PCDHGA3: variants seen among roughly 807,000 people sequenced by gnomAD.
PCDHGA3 encodes the protein protocadherin gamma-A3.
A neutral mutation model predicts 58.5 loss-of-function variants in PCDHGA3; 40 were observed. That is an observed-to-expected ratio of 0.68 (90% CI 0.53 to 0.89). The LOEUF is 0.89. PCDHGA3 is among the 40% of genes least tolerant of loss of function. PCDHGA3 has a pLI of 0.00. For missense variants in PCDHGA3, 1,223 were observed against 1,195.9 expected, an observed-to-expected ratio of 1.02 and a Z score of -0.33; for synonymous variants, 530 against 525.7, an observed-to-expected ratio of 1.01 and a Z score of -0.11.
intron 2 of PCDHGA3, among the ~76,000 whole-genome samples, chr5:141,495,296 T>TCCTCCAGAG (rs998633800): frequency 1.3e-5 from 2 of 152,054 alleles, no homozygotes; most frequent in Non-Finnish European, 2.9e-5. Flanking sequence ...ACTCAGCGCC[T>TCCTCCAGAG]CCTCCAGAGC....
At chr5:141,420,190 A>T in intron 1 of PCDHGA3, 3 of 1,613,922 alleles carry the variant, frequency 1.9e-6, no homozygotes, top group Non-Finnish European at 2.5e-6. Flanking sequence ...GTCCAGCCAC[A>T]CAAGATAACC....
At chr5:141,355,052 TG>T in intron 1 of PCDHGA3, 1 of 1,201,334 alleles carries the variant, frequency 8.3e-7, no homozygotes, top group Non-Finnish European at 1.1e-6. Context: ...CACAAAGCAC[TG>T]GCTCTGGAGC....
chr5:141,419,138 A>G (rs1590146439), intron 1 of PCDHGA3: 1 of 1,613,920 alleles, frequency 6.2e-7, no homozygotes, highest in Non-Finnish European at 8.5e-7. Flanking sequence ...AGCCACAGAC[A>G]GGGGCAAGCC....
At chr5:141,394,050 G>GA (rs2092909261) in intron 1 of PCDHGA3, 4 of 1,613,594 alleles carry the variant, frequency 2.5e-6, no homozygotes, top group Non-Finnish European at 3.4e-6. Context: ...TTTGGACCGA[G>GA]AAAATGTCTC....
At chr5:141,453,495 C>T (rs1490576605) in intron 1 of PCDHGA3, among the ~76,000 whole-genome samples, 1 of 151,968 alleles carries the variant, frequency 6.6e-6, no homozygotes, top group Admixed American at 6.6e-5. Flanking sequence ...AAAAGGTGTA[C>T]TCAGAAAATT....
At chr5:141,351,767 G>C in intron 1 of PCDHGA3, 1 of 1,613,536 alleles carries the variant, frequency 6.2e-7, no homozygotes, top group Non-Finnish European at 8.5e-7. Flanking sequence ...CTACGTGTCC[G>C]TGAGCCCGCA....
rs779949817 is a variant in PCDHGA3 at position 141,487,266 on chromosome 5, T to G, written c.2425-7541T>G. The G allele has an allele frequency of 6.2e-7, 1 of 1,614,054 alleles. No individual in the cohort carries two copies. The highest frequency in any genetic ancestry group is 8.5e-7 in the Non-Finnish European group (1 of 1,180,044). On this transcript the variant is annotated intron_variant, in intron 1 of 3. Transcript: ENST00000253812. This position sits in a 1 kb window ranked among gnomAD's most constrained non-coding sequence, Gnocchi z 5.0. The stretch of plus-strand genomic sequence containing the variant: ...ACCCTCTACTTGGCTGTGTCCCTAG[T>G]GGCAATTTGCTTTGTCTCCTTTGGC...
chr5:141,481,503 G>A (rs1006282101), intron 1 of PCDHGA3, among the ~76,000 whole-genome samples: 3 of 152,236 alleles, frequency 2.0e-5, no homozygotes, highest in African/African-American at 7.2e-5. Context: ...TGCATGGTAT[G>A]TGAATTATGT....
intron 1 of PCDHGA3, among the ~76,000 whole-genome samples, chr5:141,438,788 A>G (rs1024095720): frequency 3.3e-5 from 5 of 149,742 alleles, no homozygotes; most frequent in Non-Finnish European, 7.4e-5. Flanking sequence ...CAGCCTCTCC[A>G]GTAGCTGGGA....
intron 2 of PCDHGA3, among the ~76,000 whole-genome samples, chr5:141,495,758 C>T (rs2099763543): frequency 6.6e-6 from 1 of 152,122 alleles, no homozygotes; most frequent in Non-Finnish European, 1.5e-5. Flanking sequence ...ATCTCTGCCT[C>T]CCTGTCCTTG....
At chr5:141,412,282 C>A (rs1017660848) in intron 1 of PCDHGA3, 1 of 152,186 alleles carries the variant, frequency 6.6e-6, no homozygotes, top group African/African-American at 2.4e-5. Flanking sequence ...ACTTCAAATT[C>A]TACGTATTTC....
At chr5:141,428,147 G>C (rs771536400) in intron 1 of PCDHGA3, 1 of 1,589,612 alleles carries the variant, frequency 6.3e-7, no homozygotes, top group Admixed American at 1.7e-5. Flanking sequence ...GGCTGCACAC[G>C]GGAACCTGCT....
At chr5:141,455,292 G>A (rs2098818902) in intron 1 of PCDHGA3, among the ~76,000 whole-genome samples, 1 of 152,068 alleles carries the variant, frequency 6.6e-6, no homozygotes, top group East Asian at 1.9e-4. Context: ...ACTTTACATA[G>A]TTTCATCTTG....
At chr5:141,368,899 T>A (rs1765918002) in intron 1 of PCDHGA3, among the ~76,000 whole-genome samples, 1 of 152,202 alleles carries the variant, frequency 6.6e-6, no homozygotes, top group Admixed American at 6.5e-5. Context: ...ATTTTTGATG[T>A]TTGTATAAAG....
At chr5:141,444,138 C>CTTGTGTG (rs2098418688) in intron 1 of PCDHGA3, among the ~76,000 whole-genome samples, 1 of 122,946 alleles carries the variant, frequency 8.1e-6, no homozygotes, top group South Asian at 2.7e-4. Flanking sequence ...ATATGTGTCA[C>CTTGTGTG]TTGTGTGTAC....
intron 1 of PCDHGA3, among the ~76,000 whole-genome samples, chr5:141,484,369 G>A (rs1218433750): frequency 6.6e-6 from 1 of 152,164 alleles, no homozygotes; most frequent in Non-Finnish European, 1.5e-5. Flanking sequence ...TGTATCACTA[G>A]CAAATGTCTG....
chr5:141,408,509 G>T, intron 1 of PCDHGA3: 1 of 1,614,048 alleles, frequency 6.2e-7, no homozygotes, highest in Non-Finnish European at 8.5e-7. Flanking sequence ...AAGAAGATGT[G>T]AGTTGCAATT....
chr5:141,461,429 T>A lies in PCDHGA3; in HGVS notation c.2425-33378T>A, dbSNP rs193056679. On this transcript the variant is annotated intron_variant, in intron 1 of 3. Coordinates refer to ENST00000253812, the MANE Select transcript of PCDHGA3 (RefSeq NM_018916.4). The stretch of plus-strand genomic sequence containing the variant: ...TTTTCATATGTTTGTGGGCCATTTG[T>A]ATACCTTCTTTTGAGAAATGGCTAT... Among the ~76,000 whole-genome samples the A allele has an allele frequency of 5.6e-4, 85 of 152,328 alleles. 1 individual carries two copies. The highest frequency in any genetic ancestry group is 1.5e-3 in the African/African-American group (64 of 41,580).
chr5:141,434,981 T>C (rs2097734526), intron 1 of PCDHGA3, among the ~76,000 whole-genome samples: 1 of 152,054 alleles, frequency 6.6e-6, no homozygotes. Flanking sequence ...GTTAATACTC[T>C]ATATCATTTT....
Sources: allele counts gnomAD v4.1 joint callset (sites outside exome capture counted in the v4.1 genomes callset), GRCh38; gene constraint gnomAD v4.1.1; non-coding constraint Gnocchi (gnomAD v3.1); transcripts MANE v1.5; gene names NCBI Gene and HGNC (gene_info 2026-07-23, HGNC 2026-07-21).